Variants in KIFAP3 observed in about 807,000 individuals in gnomAD.
KIFAP3 encodes kinesin-associated protein 3.
Under a neutral mutation model 106.5 loss-of-function variants are expected in KIFAP3, and 68 were observed. The observed-to-expected ratio is 0.64, with a 90% CI of 0.53 to 0.78. KIFAP3 has a LOEUF of 0.78. Among genes scored for constraint, KIFAP3 ranks in the 30% least tolerant of loss-of-function variants. KIFAP3 has a pLI of 0.00. For missense variants in KIFAP3, 780 were observed against 941.8 expected (o/e 0.83, Z 2.25); for synonymous variants, 320 against 311.5 (o/e 1.03, Z -0.29).
At chr1:169,980,306 C>T (rs902352992) in intron 15 of KIFAP3, among the ~76,000 whole-genome samples, 1 of 152,070 alleles carries the variant, frequency 6.6e-6, no homozygotes, top group Non-Finnish European at 1.5e-5. Context: ...ATGCCTAGTA[C>T]AAGATGAACT....
rs1669085790 is a variant in KIFAP3 at position 170,026,045 on chromosome 1, C to A, written c.842-1449G>T. ...AGAGGAGGAGGTGACATAACAGAGACCGACAGAGTGGGAAGAAGGCCATAT... is the reference window on the plus strand; with the variant it reads ...AGAGGAGGAGGTGACATAACAGAGAACGACAGAGTGGGAAGAAGGCCATAT... On this transcript the variant is annotated intron_variant, in intron 8 of 19. Coordinates refer to ENST00000361580, the MANE Select transcript of KIFAP3 (RefSeq NM_014970.4). 3.9e-5 allele frequency among the ~76,000 whole-genome samples: 6 copies of A among 152,056 alleles called. No homozygotes were observed. In the South Asian group the frequency reaches 1.2e-3, roughly 32 times the overall value.
Position 169,965,073 on chromosome 1 carries a change from T to C in KIFAP3, c.1984-3838A>G, listed in dbSNP as rs76246659. Among the ~76,000 whole-genome samples the C allele has an allele frequency of 8.5e-3, 1,292 of 152,258 alleles. 25 individuals are homozygous for C. Among genetic ancestry groups the C allele is most frequent in the African/African-American group, 0.028 (1,165 of 41,570 alleles). On this transcript the variant is annotated intron_variant, in intron 17 of 19. Transcript: ENST00000361580. ...AATGTGGACAAATTGTCCATACTAA[T>C]TGGCTTTTTTTCTAAAAAATAAGTT...
chr1:169,993,764 A>G (rs1393364099), intron 10 of KIFAP3, among the ~76,000 whole-genome samples: 1 of 152,308 alleles, frequency 6.6e-6, no homozygotes, highest in Admixed American at 6.5e-5. Context: ...GTGCACCTGT[A>G]ATCCCAGGTA....
At chr1:170,021,434 G>GTTTTTTTTT (rs746455008) in intron 9 of KIFAP3, among the ~76,000 whole-genome samples, 1 of 113,774 alleles carries the variant, frequency 8.8e-6, no homozygotes, top group Non-Finnish European at 1.8e-5. Context: ...TTGTTATTAA[G>GTTTTTTTTT]TTTTTTTTTT....
chr1:170,024,643 T>A, intron 8 of KIFAP3, 47 bp from the exon 9 acceptor site: 1 of 1,134,418 alleles, frequency 8.8e-7, no homozygotes, highest in Non-Finnish European at 1.2e-6. Context: ...TATACTGAAT[T>A]AATAATTTAG....
chr1:169,951,928 A>G (rs1664751640), intron 19 of KIFAP3, among the ~76,000 whole-genome samples: 1 of 151,966 alleles, frequency 6.6e-6, no homozygotes, highest in African/African-American at 2.4e-5. Flanking sequence ...TTAAGATCAC[A>G]TATCTAAATC....
At chr1:170,074,729 G>T (rs1671861547), upstream of KIFAP3, 1 of 1,359,388 alleles carries the variant, frequency 7.4e-7, no homozygotes, top group Admixed American at 3.0e-5. Flanking sequence ...CGCTTGCTCT[G>T]CACCTCTTGT....
chr1:170,072,155 C>T (rs975452428), intron 1 of KIFAP3, among the ~76,000 whole-genome samples: 2 of 152,104 alleles, frequency 1.3e-5, no homozygotes, highest in African/African-American at 4.8e-5. Flanking sequence ...CAATAGTTCA[C>T]CAATGCACTC....
At chr1:169,985,172 G>T (rs1019994348) in intron 11 of KIFAP3, among the ~76,000 whole-genome samples, 1 of 151,862 alleles carries the variant, frequency 6.6e-6, no homozygotes. Context: ...TTTGGCCTTC[G>T]TGCTAAGAAG....
At chr1:169,971,294 T>C (rs1483158874) in intron 17 of KIFAP3, among the ~76,000 whole-genome samples, 1 of 151,944 alleles carries the variant, frequency 6.6e-6, no homozygotes, top group African/African-American at 2.4e-5. Flanking sequence ...TTTGTTCTTA[T>C]ACTATATACT....
chr1:170,053,086 A>G (rs1308874057), intron 2 of KIFAP3, among the ~76,000 whole-genome samples: 1 of 152,244 alleles, frequency 6.6e-6, no homozygotes, highest in African/African-American at 2.4e-5. Flanking sequence ...TTGTATATTT[A>G]GAAAACCCCA....
chr1:169,928,122 T>TG (rs1430332741), intron 19 of KIFAP3, among the ~76,000 whole-genome samples: 7 of 151,334 alleles, frequency 4.6e-5, no homozygotes, highest in African/African-American at 1.5e-4. Context: ...TTCTTTGAGA[T>TG]GGAGTCTTGC....
chr1:170,016,749 T>A, intron 9 of KIFAP3, 125 bp from the exon 10 acceptor site: 2 of 546,924 alleles, frequency 3.7e-6, no homozygotes, highest in Non-Finnish European at 5.9e-6. Context: ...GTTAATCTTA[T>A]ACTCCATTTC....
At chr1:170,060,892 C>G (rs1258589519) in intron 1 of KIFAP3, among the ~76,000 whole-genome samples, 1 of 152,076 alleles carries the variant, frequency 6.6e-6, no homozygotes, top group African/African-American at 2.4e-5. Flanking sequence ...ACAAATCTGA[C>G]AAAAACAAGC....
chr1:169,930,513 C>T (rs1352281262), intron 19 of KIFAP3, among the ~76,000 whole-genome samples: 1 of 152,248 alleles, frequency 6.6e-6, no homozygotes, highest in African/African-American at 2.4e-5. Flanking sequence ...TCTGAACCCA[C>T]TCATGTGCAT....
At chr1:169,955,683 T>G (rs759462245) in intron 18 of KIFAP3, among the ~76,000 whole-genome samples, 3 of 152,198 alleles carry the variant, frequency 2.0e-5, no homozygotes, top group Non-Finnish European at 2.9e-5. Context: ...CATCATATAT[T>G]AATGACATAT....
chr1:169,933,729 A>G lies in KIFAP3; in HGVS notation c.2274-11948T>C, dbSNP rs201245904. Reference sequence around the variant, plus strand: ...TTCTTCTTTGTCACTCATGTACATCAGCATTTCCCCTCTTAATTTAAGGAC... The same window carrying G: ...TTCTTCTTTGTCACTCATGTACATCGGCATTTCCCCTCTTAATTTAAGGAC... On this transcript the variant is annotated intron_variant, in intron 19 of 19. Coordinates refer to ENST00000361580, the MANE Select transcript of KIFAP3 (RefSeq NM_014970.4). 7.2e-5 allele frequency among the ~76,000 whole-genome samples: 11 copies of G among 152,270 alleles called. No homozygotes were observed. In the East Asian group the frequency reaches 2.1e-3, roughly 29 times the overall value.
At chr1:169,982,677 C>G in intron 14 of KIFAP3, 25 bp downstream of exon 14, 1 of 1,477,066 alleles carries the variant, frequency 6.8e-7, no homozygotes, top group Non-Finnish European at 9.2e-7. Flanking sequence ...AGTGATTATA[C>G]AAAAGTGAAA....
In KIFAP3 at chr1:170,042,336, A is replaced by C. The variant is rs143500296; in HGVS notation, c.320-3048T>G. Among the ~76,000 whole-genome samples the C allele has an allele frequency of 3.1e-4, 47 of 152,292 alleles. 1 individual carries two copies. In the East Asian group the frequency reaches 7.9e-3, roughly 26 times the overall value. ...TCTGCTCTTTTGGAAGCCACAGTTT[A>C]AGAGAATCCAGGAACCTGACAAGCT... On this transcript the variant is annotated intron_variant, in intron 3 of 19. Coordinates refer to ENST00000361580, the MANE Select transcript of KIFAP3 (RefSeq NM_014970.4).
Sources: gnomAD v4.1 joint callset for allele counts (sites outside exome capture counted in the v4.1 genomes callset) on GRCh38, gnomAD v4.1.1 for gene constraint, MANE v1.5 for transcripts, NCBI Gene and HGNC (gene_info 2026-07-23, HGNC 2026-07-21) for gene names.